The following FA2H variants were observed in gnomAD, a reference collection of about 807,000 sequenced individuals.
FA2H encodes fatty acid 2-hydroxylase.
A neutral mutation model predicts 44.9 loss-of-function variants in FA2H; 22 were observed. That is an observed-to-expected ratio of 0.49 (90% confidence interval 0.35 to 0.70). FA2H has a LOEUF of 0.70. FA2H is among the 30% of genes least tolerant of loss of function. FA2H has a pLI of 0.01. For missense variants in FA2H, 501 were observed against 504.9 expected (o/e 0.99, Z 0.07); for synonymous variants, 243 against 213.2 (o/e 1.14, Z -1.22).
rs1274600570 is a variant in FA2H at position 74,716,452 on chromosome 16, C to T, written c.934G>A (p.Asp312Asn). 1.2e-6 allele frequency: 2 copies of T among 1,613,984 alleles called. No individual in the cohort carries two copies. Among genetic ancestry groups the T allele is most frequent in the Admixed American group, 1.7e-5 (1 of 59,988 alleles). ...AAGTGCAGGTAGTAATGGGTCATGT[C>T]ATAGAGGACGTAGCCCAGGAGGCCC... ...AGGLLGYVLY[D>N]MTHYYLHFGS... The change falls in exon 6 of 7, where the codon GAC becomes AAC. Residue 312 changes from aspartate (D) to asparagine (N), a missense_variant. Coordinates refer to ENST00000219368, the MANE Select transcript of FA2H (RefSeq NM_024306.5).
chr16:74,720,908 A>G (rs981169944), intron 4 of FA2H, among the ~76,000 whole-genome samples: 1 of 152,238 alleles, frequency 6.6e-6, no homozygotes, highest in African/African-American at 2.4e-5. Flanking sequence ...CATGTATTAC[A>G]ACTCCATTCC....
chr16:74,764,122 T>C (rs955611492), intron 1 of FA2H, among the ~76,000 whole-genome samples: 4 of 152,222 alleles, frequency 2.6e-5, no homozygotes, highest in Non-Finnish European at 5.9e-5. Flanking sequence ...GGCTGAGCTC[T>C]TTTTCCATCA....
chr16:74,768,914 T>C (rs111921828), intron 1 of FA2H, among the ~76,000 whole-genome samples: 11 of 152,126 alleles, frequency 7.2e-5, no homozygotes, highest in African/African-American at 2.7e-4. Context: ...CGAGTCAGGC[T>C]TGCCTTCTCC....
At chr16:74,753,423 A>G (rs371507532) in intron 1 of FA2H, among the ~76,000 whole-genome samples, 6 of 152,172 alleles carry the variant, frequency 3.9e-5, no homozygotes, top group Non-Finnish European at 8.8e-5. Context: ...GAGGTGGCTC[A>G]TGCCTCCCAG....
intron 2 of FA2H, among the ~76,000 whole-genome samples, chr16:74,736,037 T>A (rs1445766686): frequency 6.8e-6 from 1 of 147,652 alleles, no homozygotes; most frequent in African/African-American, 2.4e-5. Flanking sequence ...TGGAACACTG[T>A]GGCATCTCTT....
chr16:74,742,042 G>A (rs867747866), intron 1 of FA2H, among the ~76,000 whole-genome samples: 3 of 152,074 alleles, frequency 2.0e-5, no homozygotes, highest in South Asian at 2.1e-4. Context: ...CCAGTGGTGT[G>A]ATAGGTTCCA....
intron 6 of FA2H, among the ~76,000 whole-genome samples, chr16:74,715,177 T>C (rs1199453793): frequency 2.0e-5 from 3 of 152,158 alleles, no homozygotes; most frequent in Non-Finnish European, 4.4e-5. Context: ...TTTTATAAAA[T>C]CTAGATATGG....
intron 4 of FA2H, among the ~76,000 whole-genome samples, chr16:74,719,819 G>C (rs1355708557): frequency 6.6e-6 from 1 of 152,026 alleles, no homozygotes; most frequent in Non-Finnish European, 1.5e-5. Flanking sequence ...GCCTCCCAAA[G>C]TGCTGAGATA....
intron 1 of FA2H, among the ~76,000 whole-genome samples, chr16:74,752,836 G>A (rs1962552200): frequency 6.6e-6 from 1 of 152,188 alleles, no homozygotes; most frequent in Non-Finnish European, 1.5e-5. Context: ...GTATAGTGCT[G>A]CACCTGTCCA....
rs776851677 is a variant in FA2H at position 74,719,033 on chromosome 16, A to G, written c.741T>C (p.Tyr247=). The part of the protein sequence containing the change: ...LFHMKPPSDS[Y]YLIMLHFVMH... ...TGACGAAGTGCAGCATGATGAGGTA[A>G]TAGCTGTCGCTGGGGGGCTTCATGT... is the stretch of plus-strand genomic sequence containing the variant. The change falls in exon 5 of 7, where the codon TAT becomes TAC. Residue 247 remains tyrosine (Y), a synonymous_variant. Coordinates refer to ENST00000219368, the MANE Select transcript of FA2H (RefSeq NM_024306.5). 6.2e-6 allele frequency: 10 copies of G among 1,613,862 alleles called. No homozygotes were observed. The South Asian group carries it at 1.1e-4, about 18-fold the overall frequency.
chr16:74,761,608 C>A (rs551086016), intron 1 of FA2H, among the ~76,000 whole-genome samples: 70 of 152,278 alleles, frequency 4.6e-4, no homozygotes, highest in African/African-American at 1.6e-3. Context: ...CAGCAAAAAT[C>A]ATGTAGATAT....
intron 1 of FA2H, among the ~76,000 whole-genome samples, chr16:74,740,461 A>G (rs2144634708): frequency 6.6e-6 from 1 of 151,864 alleles, no homozygotes; most frequent in East Asian, 1.9e-4. Context: ...TACTAAAAAT[A>G]CAAAAAAAGT....
In FA2H at chr16:74,737,585, T is replaced by G. The variant is rs546545875; in HGVS notation, c.363+2438A>C. Among the ~76,000 whole-genome samples the G allele has an allele frequency of 8.5e-5, 13 of 152,244 alleles. No individual in the cohort carries two copies. In the South Asian group the frequency reaches 2.7e-3, roughly 32 times the overall value. ...TCTTCCCAGCATTCTCACTCACCCC[T>G]TCTCACACACACCTTCCCACTCTGT... On this transcript the variant is annotated intron_variant, in intron 2 of 6. Coordinates refer to ENST00000219368, the MANE Select transcript of FA2H (RefSeq NM_024306.5).
rs955192546 is a variant in FA2H at position 74,719,233 on chromosome 16, A to G, written c.614-73T>C. On this transcript the variant is annotated intron_variant, in intron 4 of 6. Coordinates refer to ENST00000219368, the MANE Select transcript of FA2H (RefSeq NM_024306.5). Reference sequence around the variant, plus strand: ...TGGTAGCTCCAGGTGTCCCTGCCTCACCATCCCCATCAGCTCGGGAGCTGC... The same window carrying G: ...TGGTAGCTCCAGGTGTCCCTGCCTCGCCATCCCCATCAGCTCGGGAGCTGC... 2.7e-5 allele frequency: 37 copies of G among 1,375,458 alleles called. No individual in the cohort carries two copies. The African/African-American group carries it at 3.3e-4, about 12-fold the overall frequency. The allele number at this position is 1,375,458 out of a possible 1,614,324, so 85.2% of individuals were successfully genotyped here.
intron 2 of FA2H, among the ~76,000 whole-genome samples, chr16:74,737,582 C>G (rs1252297984): frequency 6.6e-6 from 1 of 152,156 alleles, no homozygotes; most frequent in Non-Finnish European, 1.5e-5. Context: ...TCTCACTCAC[C>G]CCTTCTCACA....
chr16:74,759,963 A>T (rs1401950281), intron 1 of FA2H, among the ~76,000 whole-genome samples: 1 of 152,200 alleles, frequency 6.6e-6, no homozygotes, highest in Non-Finnish European at 1.5e-5. Context: ...TGTCCTGGAC[A>T]GCCCCTCCTT....
intron 1 of FA2H, among the ~76,000 whole-genome samples, chr16:74,774,120 T>G (rs1271023035): frequency 6.7e-6 from 1 of 149,714 alleles, no homozygotes. Context: ...GGCCGATAAG[T>G]GAAGAGGAAG....
At chr16:74,728,395 C>T (rs1344656558) in intron 2 of FA2H, among the ~76,000 whole-genome samples, 2 of 152,026 alleles carry the variant, frequency 1.3e-5, no homozygotes, top group Middle Eastern at 3.2e-3. Context: ...GCCCGGGTCA[C>T]GGTAGGCGAG....
chr16:74,728,663 C>T (rs913334306), intron 2 of FA2H, among the ~76,000 whole-genome samples: 5 of 151,548 alleles, frequency 3.3e-5, no homozygotes, highest in South Asian at 2.1e-4. Context: ...CAAGGATGTA[C>T]GTGTACTCCA....
Sources: gnomAD v4.1 joint callset for allele counts (sites outside exome capture counted in the v4.1 genomes callset) on GRCh38, gnomAD v4.1.1 for gene constraint, MANE v1.5 for transcripts, NCBI Gene and HGNC (gene_info 2026-07-23, HGNC 2026-07-21) for gene names.